The following PLAAT1 variants were observed in gnomAD, a reference collection of about 807,000 sequenced individuals.
PLAAT1 encodes the protein H-REV107 protein-related protein.
PLAAT1 carries 13 observed loss-of-function variants against 16.4 expected under a neutral mutation model. That is an observed-to-expected ratio of 0.79 (90% CI 0.52 to 1.26). The LOEUF (loss-of-function observed/expected upper bound fraction) is 1.26. PLAAT1 is among the 50% of genes most tolerant of loss of function. The pLI is 0.00. For synonymous variants in PLAAT1, 73 were observed against 78.4 expected (o/e 0.93, Z 0.36); for missense variants, 218 against 207.8 (o/e 1.05, Z -0.30).
At chr3:193,255,063 C>T (rs1716323868) in intron 1 of PLAAT1, among the ~76,000 whole-genome samples, 1 of 151,998 alleles carries the variant, frequency 6.6e-6, no homozygotes, top group African/African-American at 2.4e-5. Context: ...TAGCATCCAC[C>T]CCTACCTCTG....
intron 2 of PLAAT1, among the ~76,000 whole-genome samples, chr3:193,256,811 A>G (rs1413129379): frequency 6.6e-6 from 1 of 152,208 alleles, no homozygotes; most frequent in Non-Finnish European, 1.5e-5. Flanking sequence ...GTGTAAGGAT[A>G]TTCACTTCTG....
intron 1 of PLAAT1, among the ~76,000 whole-genome samples, chr3:193,243,761 T>TA (rs1173458407): frequency 6.6e-6 from 1 of 152,180 alleles, no homozygotes; most frequent in African/African-American, 2.4e-5. Flanking sequence ...TCCTCATCTG[T>TA]AAAATGGTCA....
chr3:193,264,329 T>C (rs948216947), intron 3 of PLAAT1, among the ~76,000 whole-genome samples: 11 of 152,182 alleles, frequency 7.2e-5, no homozygotes, highest in Non-Finnish European at 1.2e-4. Context: ...AAATCCTACT[T>C]ATCCTGCCCT....
chr3:193,249,476 T>C (rs1716112179), intron 1 of PLAAT1, among the ~76,000 whole-genome samples: 1 of 152,166 alleles, frequency 6.6e-6, no homozygotes, highest in Non-Finnish European at 1.5e-5. Flanking sequence ...GTCATTTCAT[T>C]ATGTTGATGA....
rs1577294276 is a variant in PLAAT1 at position 193,241,329 on chromosome 3, A to G, written c.-205A>G. 2.4e-6 allele frequency: 3 copies of G among 1,231,314 alleles called. No individual in the cohort carries two copies. Among genetic ancestry groups the G allele is most frequent in the East Asian group, 3.2e-5 (1 of 31,670 alleles). The allele number at this position is 1,231,314 out of a possible 1,614,324, so 76.3% of individuals were successfully genotyped here. The stretch of plus-strand genomic sequence containing the variant: ...GCGGAGGGGCCGCCGGGACCGTTTC[A>G]GCGTGGCGGCGCTGGTGCTGGCGTT... On this transcript the variant is annotated 5_prime_UTR_variant, in exon 1 of 4. Coordinates refer to ENST00000264735, the MANE Select transcript of PLAAT1 (RefSeq NM_020386.5).
downstream of PLAAT1, among the ~76,000 whole-genome samples, chr3:193,280,493 A>G (rs1717439887): frequency 1.3e-5 from 2 of 152,236 alleles, no homozygotes; most frequent in Admixed American, 1.3e-4. Flanking sequence ...TGACCATTTG[A>G]AAGTGGCTTT....
At chr3:193,250,441 G>A (rs1178083973) in intron 1 of PLAAT1, among the ~76,000 whole-genome samples, 1 of 152,148 alleles carries the variant, frequency 6.6e-6, no homozygotes, top group Non-Finnish European at 1.5e-5. Flanking sequence ...TTGATAGACT[G>A]CTCACATTGG....
chr3:193,243,766 T>C (rs1439802370), intron 1 of PLAAT1, among the ~76,000 whole-genome samples: 1 of 152,156 alleles, frequency 6.6e-6, no homozygotes, highest in Non-Finnish European at 1.5e-5. Context: ...ATCTGTAAAA[T>C]GGTCACCACA....
intron 3 of PLAAT1, among the ~76,000 whole-genome samples, chr3:193,267,510 G>A (rs1010745172): frequency 6.6e-6 from 1 of 151,920 alleles, no homozygotes; most frequent in Admixed American, 6.6e-5. Flanking sequence ...ATGTATTTAA[G>A]GTTTCTTCAT....
In PLAAT1 at chr3:193,269,830, C is replaced by T. The variant is rs921578869; in HGVS notation, c.406-774C>T. Reference sequence around the variant, plus strand: ...AATACCATGAATATTCATTAGTTCTCTCATCATCATGATGATTAATACCCT... The same window carrying T: ...AATACCATGAATATTCATTAGTTCTTTCATCATCATGATGATTAATACCCT... On this transcript the variant is annotated intron_variant, in intron 3 of 3. Transcript: ENST00000264735. Among the ~76,000 whole-genome samples the T allele has an allele frequency of 3.3e-5, 5 of 152,266 alleles. 1 individual carries two copies. The highest frequency in any genetic ancestry group is 6.8e-3 in the Middle Eastern group (2 of 294).
chr3:193,263,378 G>T, intron 3 of PLAAT1, 143 bp downstream of exon 3: 1 of 757,990 alleles, frequency 1.3e-6, no homozygotes. Context: ...AGTTGTCCAA[G>T]GTCCTGCAAC....
intron 1 of PLAAT1, among the ~76,000 whole-genome samples, chr3:193,246,002 A>T (rs1394564744): frequency 6.6e-6 from 1 of 152,234 alleles, no homozygotes; most frequent in Non-Finnish European, 1.5e-5. Flanking sequence ...TAATGTCATC[A>T]ACAAACAGAA....
downstream of PLAAT1, among the ~76,000 whole-genome samples, chr3:193,274,507 A>G (rs996133104): frequency 1.3e-5 from 2 of 152,212 alleles, no homozygotes; most frequent in Admixed American, 6.5e-5. Context: ...ATTCTGGCTT[A>G]TTATAGTTAG....
Position 193,270,655 on chromosome 3 carries a change from T to C in PLAAT1, c.457T>C (p.Phe153Leu). 1 of 1,613,808 alleles carries C rather than the reference T, an allele frequency of 6.2e-7. No homozygotes were observed. The highest frequency in any genetic ancestry group is 8.5e-7 in the Non-Finnish European group (1 of 1,179,708). Residue 153 changes from phenylalanine (F) to leucine (L), a missense_variant, in exon 4 of 4, where the codon TTC becomes CTC. By Grantham distance (22) the Phe-to-Leu change is conservative (BLOSUM62 0). Transcript: ENST00000264735. ...VEFVTAAVGV[F>L]SFLGLFPKGQ... Reference sequence around the variant, plus strand: ...GTTTGTGACAGCTGCTGTTGGTGTCTTCTCATTCCTGGGCTTGTTTCCAAA... The same window carrying C: ...GTTTGTGACAGCTGCTGTTGGTGTCCTCTCATTCCTGGGCTTGTTTCCAAA...
At chr3:193,273,140 T>A (rs943134948), downstream of PLAAT1, among the ~76,000 whole-genome samples, 10 of 152,200 alleles carry the variant, frequency 6.6e-5, no homozygotes, top group African/African-American at 2.4e-4. Flanking sequence ...AATCTTTTTA[T>A]GCTATTGAAA....
At chr3:193,241,164 G>A, upstream of PLAAT1, 1 of 1,190,850 alleles carries the variant, frequency 8.4e-7, no homozygotes, top group East Asian at 3.3e-5. Flanking sequence ...GGGGCCAAGC[G>A]AGGTCTAGCC....
At chr3:193,275,270 C>T, downstream of PLAAT1, 2 of 1,613,894 alleles carry the variant, frequency 1.2e-6, no homozygotes, top group Non-Finnish European at 8.5e-7. Context: ...TTTTGATCAA[C>T]AGCCAGAGTT....
At chr3:193,253,454 A>G (rs1025300794) in intron 1 of PLAAT1, among the ~76,000 whole-genome samples, 1 of 152,212 alleles carries the variant, frequency 6.6e-6, no homozygotes, top group African/African-American at 2.4e-5. Context: ...TGTCTCTCTT[A>G]TCATCCACCT....
At chr3:193,251,917 A>AT (rs1222343640) in intron 1 of PLAAT1, among the ~76,000 whole-genome samples, 1 of 152,076 alleles carries the variant, frequency 6.6e-6, no homozygotes, top group Admixed American at 6.6e-5. Context: ...AGGTCCCCTT[A>AT]TTGTGGTTTT....
Sources: gnomAD v4.1 joint callset for allele counts (sites outside exome capture counted in the v4.1 genomes callset) on GRCh38, gnomAD v4.1.1 for gene constraint, MANE v1.5 for transcripts, NCBI Gene and HGNC (gene_info 2026-07-23, HGNC 2026-07-21) for gene names.